Variants in KIFC1 observed in about 807,000 individuals in gnomAD.
The protein encoded by KIFC1 is kinesin-like protein KIFC1.
KIFC1 carries 37 observed loss-of-function variants against 66.6 expected under a neutral mutation model. The ratio of observed to expected loss-of-function variants is 0.56; its 90% CI spans 0.43 to 0.73. The LOEUF (loss-of-function observed/expected upper bound fraction) is 0.73, where lower values mean the gene tolerates loss of function less well. KIFC1 is among the 30% of genes least tolerant of loss of function. The pLI, the probability that KIFC1 is intolerant of heterozygous loss-of-function variation, is 0.00. For synonymous variants in KIFC1, 325 were observed against 343.5 expected (o/e 0.95, Z 0.60); for missense variants, 721 against 859.8 (o/e 0.84, Z 2.02).
rs1581912583 is a variant in KIFC1, at chr6:33,400,259, G to T, written c.250+1872G>T. 1.3e-6 allele frequency: 2 copies of T among 1,564,818 alleles called. No individual in the cohort carries two copies. Among genetic ancestry groups the T allele is most frequent in the East Asian group, 4.5e-5 (2 of 44,598 alleles). ...TCATCAAAAGTGATATTCCCATTGTGTTTAATGTTTTTCTGTTTCTTTCTG... is the reference window on the plus strand; with the variant it reads ...TCATCAAAAGTGATATTCCCATTGTTTTTAATGTTTTTCTGTTTCTTTCTG... On this transcript the variant is annotated intron_variant, in intron 3 of 10. Transcript: ENST00000428849. This position sits in a 1 kb window ranked among gnomAD's most constrained non-coding sequence, Gnocchi z 4.3.
rs1421660029 is a variant in KIFC1, at chr6:33,404,396, C to T, written c.756+267C>T. Among the ~76,000 whole-genome samples, 1 of 152,168 alleles carries T rather than the reference C, an allele frequency of 6.6e-6. No homozygotes were observed. The highest frequency in any genetic ancestry group is 1.5e-5 in the Non-Finnish European group (1 of 68,036). On this transcript the variant is annotated intron_variant, in intron 6 of 10. Coordinates refer to ENST00000428849, the MANE Select transcript of KIFC1 (RefSeq NM_002263.4). The surrounding 1 kb of genome is among the most constrained non-coding windows in gnomAD (Gnocchi z 4.0). ...CTGTGTCTTTCTTAGTCCTCCATCC[C>T]TCTTTCTTTGGGTTCCCATCCTGAT...
chr6:33,409,662 T>C lies in KIFC1; in HGVS notation c.1994T>C (p.Ile665Thr), dbSNP rs375556383. The C allele has an allele frequency of 5.0e-6, 8 of 1,612,718 alleles. No individual in the cohort carries two copies. Among genetic ancestry groups the C allele is most frequent in the South Asian group, 1.1e-5 (1 of 91,020 alleles). ...TGCCCCCAGGTGAACCAGTGTGTTA[T>C]TGGTACTGCTCAGGCCAACAGGAAG... ...RFASKVNQCV[I>T]GTAQANRK is the part of the protein sequence containing the mutation. The change falls in exon 11 of 11, where the codon ATT (isoleucine) becomes ACT (threonine). Residue 665 changes from isoleucine (I) to threonine (T), a missense_variant. Coordinates refer to ENST00000428849, the MANE Select transcript of KIFC1 (RefSeq NM_002263.4).
chr6:33,406,692 G>A lies in KIFC1; in HGVS notation c.1901+27G>A. On this transcript the variant is annotated intron_variant, in intron 9 of 10. Transcript: ENST00000428849. The surrounding 1 kb of genome is among the most constrained non-coding windows in gnomAD (Gnocchi z 4.5). ...TGAGTGAAAGGGACAGATGGAAGGG[G>A]TCAGGTAGGAACTGTGTTGGGGTGA... is the stretch of plus-strand genomic sequence containing the variant. The A allele has an allele frequency of 6.2e-7, 1 of 1,613,482 alleles. No homozygotes were observed. The highest frequency in any genetic ancestry group is 8.5e-7 in the Non-Finnish European group (1 of 1,179,364).
chr6:33,399,945 C>A, intron 3 of KIFC1: 2 of 568,178 alleles, frequency 3.5e-6, no homozygotes, highest in Non-Finnish European at 3.1e-6. Context: ...ACTTTATAAA[C>A]TTAACATTTT....
rs913467336 is a variant in KIFC1, at chr6:33,400,716, G to A, written c.250+2329G>A. Among the ~76,000 whole-genome samples, 10 of 151,982 alleles carry A rather than the reference G, an allele frequency of 6.6e-5. No individual in the cohort carries two copies. The highest frequency in any genetic ancestry group is 1.7e-4 in the African/African-American group (7 of 41,350). ...GGCTGGAGTGCAGTGGCACAATCTCGGCTCACTGCAAGCTCCGCCTCCCGG... is the reference window on the plus strand; with the variant it reads ...GGCTGGAGTGCAGTGGCACAATCTCAGCTCACTGCAAGCTCCGCCTCCCGG... On this transcript the variant is annotated intron_variant, in intron 3 of 10. Transcript: ENST00000428849. This position sits in a 1 kb window ranked among gnomAD's most constrained non-coding sequence, Gnocchi z 4.3.
rs765150771 is a variant in KIFC1, at chr6:33,398,327, A to G, written c.190A>G (p.Thr64Ala). The G allele has an allele frequency of 1.3e-5, 21 of 1,613,962 alleles. No homozygotes were observed. Among genetic ancestry groups the G allele is most frequent in the Non-Finnish European group, 1.8e-5 (21 of 1,180,012 alleles). ...CCTGGGTGCAACGACCAAAATTACC[A>G]CATCCCACCCAAGAGTTCCATCCCT... ...RGLGATTKIT[T>A]SHPRVPSLTT... The change falls in exon 3 of 11, where the codon ACA (threonine) becomes GCA (alanine). Residue 64 changes from threonine to alanine, a missense_variant. Thr to Ala is a moderately conservative substitution (Grantham distance 58). Transcript: ENST00000428849.
chr6:33,406,704 CTG>C lies in KIFC1; in HGVS notation c.1901+43_1901+44del, dbSNP rs754852416. The C allele has an allele frequency of 3.1e-6, 5 of 1,612,152 alleles. No homozygotes were observed. In the South Asian group the frequency reaches 3.3e-5, roughly 11 times the overall value. ...ACAGATGGAAGGGGTCAGGTAGGAACTGTGTTGGGGTGAGGGGTAGAAAGGGG... is the reference window on the plus strand; with the variant it reads ...ACAGATGGAAGGGGTCAGGTAGGAACTGTTGGGGTGAGGGGTAGAAAGGGG... On this transcript the variant is annotated intron_variant, in intron 9 of 10. Transcript: ENST00000428849. This position sits in a 1 kb window ranked among gnomAD's most constrained non-coding sequence, Gnocchi z 4.5.
chr6:33,400,812 A>T lies in KIFC1; in HGVS notation c.250+2425A>T, dbSNP rs550593519. Among the ~76,000 whole-genome samples the T allele has an allele frequency of 6.6e-6, 1 of 152,006 alleles. No individual in the cohort carries two copies. The highest frequency in any genetic ancestry group is 2.4e-5 in the African/African-American group (1 of 41,396). The stretch of plus-strand genomic sequence containing the variant: ...CAGGCGCCCTCCACCACACTTGGCT[A>T]ATTTTGTTTTTTTGTATTTTTAATA... On this transcript the variant is annotated intron_variant, in intron 3 of 10. Transcript: ENST00000428849. The surrounding 1 kb of genome is among the most constrained non-coding windows in gnomAD (Gnocchi z 4.3).
chr6:33,407,052 T>TA (rs869039839), intron 10 of KIFC1, 177 bp downstream of exon 10: 14 of 1,414,932 alleles, frequency 9.9e-6, no homozygotes, highest in African/African-American at 5.8e-5. Context: ...TTAAGTTTTT[T>TA]AAAAAACGGG....
In KIFC1 at chr6:33,406,597, C is replaced by T. The variant is rs1315936778; in HGVS notation, c.1833C>T (p.Ser611=). 6.2e-7 allele frequency: 1 copy of T among 1,614,066 alleles called. No individual in the cohort carries two copies. Among genetic ancestry groups the T allele is most frequent in the East Asian group, 2.2e-5 (1 of 44,880 alleles). The change falls in exon 9 of 11, where the codon TCC becomes TCT. Residue 611 remains serine, a synonymous_variant. Transcript: ENST00000428849. This position sits in a 1 kb window ranked among gnomAD's most constrained non-coding sequence, Gnocchi z 4.5. ...LVIMALSNKE[S]HVPYRNSKLT... ...TCCCCACCTCAATCATCTAGGAGTCCCACGTGCCTTACCGGAACAGCAAAC... is the reference window on the plus strand; with the variant it reads ...TCCCCACCTCAATCATCTAGGAGTCTCACGTGCCTTACCGGAACAGCAAAC...
rs1331161861 is a variant in KIFC1 at position 33,405,131 on chromosome 6, A to G, written c.1036A>G (p.Thr346Ala). 1 of 1,613,566 alleles carries G rather than the reference A, an allele frequency of 6.2e-7. No homozygotes were observed. Among genetic ancestry groups the G allele is most frequent in the African/African-American group, 1.3e-5 (1 of 74,786 alleles). ...SGPGGPSDPPTRLSLSRSDER... is the reference protein window; with the variant it reads ...SGPGGPSDPPARLSLSRSDER... ...CCCTGGTGGGCCCTCTGATCCTCCA[A>G]CCCGCCTTAGCCTCTCCCGGTCTGA... The change falls in exon 7 of 11, where the codon ACC (threonine) becomes GCC (alanine). Residue 346 changes from threonine to alanine, a missense_variant. Physicochemically the swap from Thr to Ala is moderately conservative, Grantham distance 58. Coordinates refer to ENST00000428849, the MANE Select transcript of KIFC1 (RefSeq NM_002263.4). The surrounding 1 kb of genome is among the most constrained non-coding windows in gnomAD (Gnocchi z 5.4).
chr6:33,393,947 C>G (rs169817), intron 1 of KIFC1, among the ~76,000 whole-genome samples: 3 of 151,630 alleles, frequency 2.0e-5, no homozygotes, highest in Non-Finnish European at 2.9e-5. Context: ...AGGGTTTCAC[C>G]GCGTTAGCCC....
chr6:33,392,022 C>T, intron 1 of KIFC1, 25 bp downstream of exon 1: 4 of 1,613,268 alleles, frequency 2.5e-6, no homozygotes, highest in Non-Finnish European at 3.4e-6. Context: ...CGCAGGTGTC[C>T]TGCCCTGGGG....
Position 33,403,441 on chromosome 6 carries a change from G to C in KIFC1, c.305-44G>C. The C allele has an allele frequency of 6.2e-7, 1 of 1,610,216 alleles. No individual in the cohort carries two copies. The highest frequency in any genetic ancestry group is 8.5e-7 in the Non-Finnish European group (1 of 1,176,442). On this transcript the variant is annotated intron_variant, in intron 4 of 10. Transcript: ENST00000428849. The surrounding 1 kb of genome is among the most constrained non-coding windows in gnomAD (Gnocchi z 4.6). ...AAAGGGAGAATGATGGAGGTGGAGG[G>C]ACACTGGTCCTGTAATTCCTAAGTC...
Position 33,405,363 on chromosome 6 carries a change from G to T in KIFC1, c.1268G>T (p.Gly423Val). Residue 423 changes from glycine to valine, a missense_variant, in exon 7 of 11, where the codon GGG (glycine) becomes GTG (valine). Coordinates refer to ENST00000428849, the MANE Select transcript of KIFC1 (RefSeq NM_002263.4). The surrounding 1 kb of genome is among the most constrained non-coding windows in gnomAD (Gnocchi z 5.4). The part of the protein sequence containing the change: ...GSGKTFTMEG[G>V]PGGDPQLEGL... The stretch of plus-strand genomic sequence containing the variant: ...GGCAAGACCTTCACAATGGAGGGTG[G>T]GCCTGGGGGAGACCCCCAGTTGGAG... 5 of 1,611,358 alleles carry T rather than the reference G, an allele frequency of 3.1e-6. No homozygotes were observed. Among genetic ancestry groups the T allele is most frequent in the South Asian group, 2.2e-5 (2 of 91,012 alleles).
At chr6:33,396,649 A>G (rs1421414101) in intron 1 of KIFC1, among the ~76,000 whole-genome samples, 1 of 146,840 alleles carries the variant, frequency 6.8e-6, no homozygotes, top group African/African-American at 2.5e-5. Flanking sequence ...CTTCTAGAAT[A>G]GCCCCTTTCA....
chr6:33,403,387 G>A lies in KIFC1; in HGVS notation c.304+20G>A, dbSNP rs745483615. ...CCACAGGTAACTGTGCTCAAGAGCT[G>A]GGTCTGAGAAGGGATTTGGGGTATG... On this transcript the variant is annotated intron_variant, in intron 4 of 10. Transcript: ENST00000428849. The surrounding 1 kb of genome is among the most constrained non-coding windows in gnomAD (Gnocchi z 4.6). 2 of 1,613,868 alleles carry A rather than the reference G, an allele frequency of 1.2e-6. No homozygotes were observed. Among genetic ancestry groups the A allele is most frequent in the Non-Finnish European group, 1.7e-6 (2 of 1,179,742 alleles).
At chr6:33,398,999 A>G (rs993516051) in intron 3 of KIFC1, among the ~76,000 whole-genome samples, 2 of 152,228 alleles carry the variant, frequency 1.3e-5, no homozygotes, top group African/African-American at 4.8e-5. Flanking sequence ...GCTTTTACTT[A>G]TCTTAATCCA....
At chr6:33,409,578 A>G in intron 10 of KIFC1, 68 bp from the exon 11 acceptor site, 1 of 1,460,426 alleles carries the variant, frequency 6.8e-7, no homozygotes, top group Non-Finnish European at 9.6e-7. Context: ...GGAGGATGGG[A>G]GATCTTGGGA....
Sources: allele counts gnomAD v4.1 joint callset (sites outside exome capture counted in the v4.1 genomes callset), GRCh38; gene constraint gnomAD v4.1.1; non-coding constraint Gnocchi (gnomAD v3.1); transcripts MANE v1.5; gene names NCBI Gene and HGNC (gene_info 2026-07-23, HGNC 2026-07-21).